Variants in FBXL7 observed in about 807,000 individuals in gnomAD.
FBXL7 encodes the protein F-box and leucine rich repeat protein 7.
Under a neutral mutation model 38.3 loss-of-function variants are expected in FBXL7, and 12 were observed. That is an observed-to-expected ratio of 0.31 (90% CI 0.20 to 0.51). FBXL7 has a LOEUF of 0.51. FBXL7 is among the 20% of genes least tolerant of loss of function. FBXL7 has a pLI of 0.98. For missense variants in FBXL7, 567 were observed against 676.4 expected, an observed-to-expected ratio of 0.84 and a Z score of 1.79; for synonymous variants, 297 against 300.9, an observed-to-expected ratio of 0.99 and a Z score of 0.13.
chr5:15,667,426 C>CTT (rs1742317380), intron 2 of FBXL7, among the ~76,000 whole-genome samples: 1 of 152,140 alleles, frequency 6.6e-6, no homozygotes, highest in Non-Finnish European at 1.5e-5. Context: ...TTGGAAAAGA[C>CTT]TTGAATGTCT....
At chr5:15,851,776 A>T (rs1046307282) in intron 2 of FBXL7, among the ~76,000 whole-genome samples, 1 of 151,832 alleles carries the variant, frequency 6.6e-6, no homozygotes, top group Non-Finnish European at 1.5e-5. Flanking sequence ...TCTCACGCAA[A>T]TAAATAACAA....
chr5:15,556,204 A>T (rs540502870), intron 1 of FBXL7, among the ~76,000 whole-genome samples: 20 of 152,176 alleles, frequency 1.3e-4, no homozygotes, highest in Non-Finnish European at 2.4e-4. Flanking sequence ...ACAGTCTGCC[A>T]TCTGGGAGTT....
At chr5:15,822,117 C>T (rs1738184326) in intron 2 of FBXL7, among the ~76,000 whole-genome samples, 1 of 151,160 alleles carries the variant, frequency 6.6e-6, no homozygotes, top group African/African-American at 2.4e-5. Flanking sequence ...CTTTGGGAGG[C>T]TGAGTCAGGC....
At chr5:15,567,356 T>C (rs565896854) in intron 1 of FBXL7, among the ~76,000 whole-genome samples, 23 of 152,136 alleles carry the variant, frequency 1.5e-4, no homozygotes, top group Non-Finnish European at 2.9e-4. Context: ...ATTTTAGCAA[T>C]ATAAAAAGAT....
At chr5:15,838,163 C>G (rs1738640598) in intron 2 of FBXL7, among the ~76,000 whole-genome samples, 1 of 152,118 alleles carries the variant, frequency 6.6e-6, no homozygotes, top group Admixed American at 6.5e-5. Context: ...TCCCAGGCAG[C>G]TCAGTCCTCT....
At chr5:15,595,855 AC>A (rs1057292564) in intron 1 of FBXL7, among the ~76,000 whole-genome samples, 36 of 152,312 alleles carry the variant, frequency 2.4e-4, no homozygotes, top group African/African-American at 8.7e-4. Context: ...GCTTTTTCTT[AC>A]AAGCTCTGGG....
intron 2 of FBXL7, among the ~76,000 whole-genome samples, chr5:15,652,727 GGT>G (rs1439812982): frequency 6.6e-6 from 1 of 152,162 alleles, no homozygotes; most frequent in Non-Finnish European, 1.5e-5. Flanking sequence ...ATTCAATACT[GGT>G]GTGTCTTAGG....
chr5:15,694,593 A>G (rs558994261), intron 2 of FBXL7, among the ~76,000 whole-genome samples: 7 of 152,174 alleles, frequency 4.6e-5, no homozygotes, highest in Non-Finnish European at 7.3e-5. Flanking sequence ...TCTTTTCCCA[A>G]ATAGGTACAG....
At chr5:15,649,337 A>G (rs1004465441) in intron 2 of FBXL7, among the ~76,000 whole-genome samples, 1 of 152,196 alleles carries the variant, frequency 6.6e-6, no homozygotes, top group Middle Eastern at 3.2e-3. Flanking sequence ...ATAATTTGAC[A>G]TTGGAAATCT....
chr5:15,818,145 G>T (rs150273674), intron 2 of FBXL7, among the ~76,000 whole-genome samples: 25 of 152,090 alleles, frequency 1.6e-4, no homozygotes, highest in African/African-American at 5.5e-4. Flanking sequence ...TGTATGTGTG[G>T]TGTGTGCGTG....
chr5:15,898,417 CTGAT>C (rs1430864021), intron 2 of FBXL7, among the ~76,000 whole-genome samples: 1 of 152,104 alleles, frequency 6.6e-6, no homozygotes, highest in Non-Finnish European at 1.5e-5. Flanking sequence ...AACCACGAGA[CTGAT>C]TGATAGACAC....
At chr5:15,580,725 G>C in intron 1 of FBXL7, 1 of 985,396 alleles carries the variant, frequency 1.0e-6, no homozygotes, top group South Asian at 4.7e-5. Context: ...GAGGTGGTGA[G>C]CCTGAAGATC....
At chr5:15,696,551 A>G (rs1386101157) in intron 2 of FBXL7, among the ~76,000 whole-genome samples, 1 of 152,182 alleles carries the variant, frequency 6.6e-6, no homozygotes, top group African/African-American at 2.4e-5. Flanking sequence ...GAATTCTCCC[A>G]TTATAATCAT....
intron 2 of FBXL7, among the ~76,000 whole-genome samples, chr5:15,852,878 G>A (rs1190801288): frequency 1.3e-5 from 2 of 152,162 alleles, no homozygotes; most frequent in East Asian, 3.9e-4. Context: ...TCTGTGAGGG[G>A]CAATGGTTAT....
intron 2 of FBXL7, among the ~76,000 whole-genome samples, chr5:15,879,335 C>T (rs867135188): frequency 2.2e-4 from 34 of 152,274 alleles, no homozygotes; most frequent in Middle Eastern, 3.4e-3. Flanking sequence ...CCCTACCAGA[C>T]GCCAGGATAG....
chr5:15,587,627 C>G (rs1373729752), intron 1 of FBXL7, among the ~76,000 whole-genome samples: 1 of 151,922 alleles, frequency 6.6e-6, no homozygotes, highest in Non-Finnish European at 1.5e-5. Flanking sequence ...GAGTCTTGTC[C>G]CCCTTTTATA....
intron 2 of FBXL7, among the ~76,000 whole-genome samples, chr5:15,793,665 C>T (rs2126733628): frequency 6.6e-6 from 1 of 152,278 alleles, no homozygotes; most frequent in Non-Finnish European, 1.5e-5. Flanking sequence ...GTTTAGTGCA[C>T]TGTATAGTAA....
chr5:15,796,301 C>T (rs1300447348), intron 2 of FBXL7, among the ~76,000 whole-genome samples: 15 of 152,100 alleles, frequency 9.9e-5, no homozygotes, highest in Admixed American at 2.6e-4. Flanking sequence ...CTGCAGCCCT[C>T]GGGCCAAATC....
intron 2 of FBXL7, among the ~76,000 whole-genome samples, chr5:15,912,685 T>G (rs1296627333): frequency 6.6e-6 from 1 of 151,970 alleles, no homozygotes; most frequent in African/African-American, 2.4e-5. Context: ...TATGACAAGT[T>G]CTGAAAACTA....
Sources: gnomAD v4.1 joint callset for allele counts (sites outside exome capture counted in the v4.1 genomes callset) on GRCh38, gnomAD v4.1.1 for gene constraint, MANE v1.5 for transcripts, NCBI Gene and HGNC (gene_info 2026-07-23, HGNC 2026-07-21) for gene names.